Variants in SORCS2 observed in about 807,000 individuals in gnomAD.
SORCS2 encodes sortilin related VPS10 domain containing receptor 2.
A neutral mutation model predicts 141.6 loss-of-function variants in SORCS2; 100 were observed. That is an observed-to-expected ratio of 0.71 (90% CI 0.60 to 0.83). The LOEUF is 0.83. SORCS2 is among the 40% of genes least tolerant of loss of function. The pLI is 0.00. For missense variants in SORCS2, 1,646 were observed against 1,560.2 expected, an observed-to-expected ratio of 1.05 and a Z score of -0.93; for synonymous variants, 789 against 676.9, an observed-to-expected ratio of 1.17 and a Z score of -2.57.
At chr4:7,514,254 A>G (rs1026999665) in intron 2 of SORCS2, among the ~76,000 whole-genome samples, 1 of 152,098 alleles carries the variant, frequency 6.6e-6, no homozygotes, top group Admixed American at 6.5e-5. Context: ...AGGAAGGAAG[A>G]CTTGACTAGG....
chr4:7,679,749 CTTTTT>C lies in SORCS2; in HGVS notation c.1342-2978_1342-2974del, dbSNP rs55936772. ...GTCTGAAGCCACACAACTTGTGGGA[CTTTTT>C]TTTTTTTTTTTTTTTACAGCAGATG... On this transcript the variant is annotated intron_variant, in intron 9 of 26. Transcript: ENST00000507866. Among the ~76,000 whole-genome samples the C allele has an allele frequency of 7.1e-3, 1,003 of 141,228 alleles. 3 individuals carry two copies. The highest frequency in any genetic ancestry group is 0.023 in the Middle Eastern group (6 of 264). 92.7% of individuals were successfully genotyped at this position (141,228 alleles called of 152,430 possible).
chr4:7,475,415 T>A (rs1412126595), intron 2 of SORCS2, among the ~76,000 whole-genome samples: 3 of 152,240 alleles, frequency 2.0e-5, no homozygotes, highest in Non-Finnish European at 2.9e-5. Flanking sequence ...CTGAGGTCCA[T>A]CCTGCATGTG....
chr4:7,456,630 A>G (rs978793566), intron 2 of SORCS2, among the ~76,000 whole-genome samples: 2 of 152,136 alleles, frequency 1.3e-5, no homozygotes, highest in Non-Finnish European at 2.9e-5. Context: ...CCCACCTGGG[A>G]GAGAGGGTAA....
At chr4:7,506,223 C>T (rs1340725843) in intron 2 of SORCS2, among the ~76,000 whole-genome samples, 2 of 146,416 alleles carry the variant, frequency 1.4e-5, no homozygotes, top group Non-Finnish European at 3.0e-5. Flanking sequence ...TTAGTCTGAG[C>T]GGGCCTCCTC....
intron 3 of SORCS2, among the ~76,000 whole-genome samples, chr4:7,549,509 C>A (rs1713522557): frequency 6.6e-6 from 1 of 152,260 alleles, no homozygotes; most frequent in Admixed American, 6.5e-5. Flanking sequence ...ATCCACCAGT[C>A]ACTGGTCGCC....
chr4:7,396,583 C>T (rs183237272), intron 2 of SORCS2, among the ~76,000 whole-genome samples: 116 of 152,314 alleles, frequency 7.6e-4, no homozygotes, highest in Middle Eastern at 3.4e-3. Flanking sequence ...GTTCAGAAAG[C>T]GTCTTGGCTT....
chr4:7,459,264 G>A (rs1464540857), intron 2 of SORCS2, among the ~76,000 whole-genome samples: 5 of 152,096 alleles, frequency 3.3e-5, no homozygotes, highest in Non-Finnish European at 7.4e-5. Flanking sequence ...AGAAGAGGGA[G>A]GATCCTTTGC....
chr4:7,284,533 C>G (rs1438668877), intron 1 of SORCS2, among the ~76,000 whole-genome samples: 1 of 152,204 alleles, frequency 6.6e-6, no homozygotes, highest in Non-Finnish European at 1.5e-5. Flanking sequence ...TATGACCTGG[C>G]AGCTCCATGA....
chr4:7,295,689 A>G (rs1407920404), intron 1 of SORCS2, among the ~76,000 whole-genome samples: 1 of 152,122 alleles, frequency 6.6e-6, no homozygotes, highest in Non-Finnish European at 1.5e-5. Flanking sequence ...ACGGGACGGC[A>G]CTCTCAGCCT....
At chr4:7,327,110 A>G (rs1439559625) in intron 1 of SORCS2, among the ~76,000 whole-genome samples, 1 of 152,206 alleles carries the variant, frequency 6.6e-6, no homozygotes, top group Admixed American at 6.5e-5. Context: ...CTGCAGAGTT[A>G]GGTGCTGGAT....
chr4:7,349,612 C>A (rs149834345), intron 1 of SORCS2, among the ~76,000 whole-genome samples: 3 of 152,154 alleles, frequency 2.0e-5, no homozygotes, highest in African/African-American at 7.2e-5. Context: ...GCATGTCCTT[C>A]GCCACCCAGT....
intron 1 of SORCS2, among the ~76,000 whole-genome samples, chr4:7,239,164 C>A (rs899915247): frequency 6.6e-6 from 1 of 152,268 alleles, no homozygotes; most frequent in Non-Finnish European, 1.5e-5. Context: ...GCTCCTGCCA[C>A]TCTCTGCAGA....
intron 1 of SORCS2, among the ~76,000 whole-genome samples, chr4:7,364,324 G>A (rs1038611762): frequency 6.6e-5 from 10 of 152,200 alleles, no homozygotes; most frequent in African/African-American, 2.4e-4. Flanking sequence ...AGTTGTCTTT[G>A]GACAGGGAAA....
At chr4:7,608,344 T>C (rs769056953) in intron 3 of SORCS2, among the ~76,000 whole-genome samples, 4 of 152,212 alleles carry the variant, frequency 2.6e-5, no homozygotes, top group Non-Finnish European at 5.9e-5. Context: ...AGTTTCATCA[T>C]CGTCAGGGCC....
chr4:7,340,919 A>G (rs1443703036), intron 1 of SORCS2, among the ~76,000 whole-genome samples: 1 of 152,130 alleles, frequency 6.6e-6, no homozygotes, highest in African/African-American at 2.4e-5. Flanking sequence ...CTCCTCCCTC[A>G]TCCCTGAGCC....
chr4:7,650,264 ATGT>A (rs1237265242), intron 4 of SORCS2, among the ~76,000 whole-genome samples: 2 of 152,148 alleles, frequency 1.3e-5, no homozygotes, highest in Non-Finnish European at 2.9e-5. Flanking sequence ...CTTCCTGGCG[ATGT>A]TGTGGGGGCA....
intron 1 of SORCS2, among the ~76,000 whole-genome samples, chr4:7,250,851 C>T (rs903298983): frequency 2.8e-4 from 43 of 152,374 alleles, no homozygotes; most frequent in African/African-American, 1.0e-3. Flanking sequence ...TCGCTGAAGG[C>T]GAGAAGAACG....
intron 1 of SORCS2, among the ~76,000 whole-genome samples, chr4:7,246,854 C>T (rs978957103): frequency 9.2e-5 from 14 of 152,248 alleles, no homozygotes; most frequent in Non-Finnish European, 1.8e-4. Context: ...TCGGCTGTGC[C>T]TTCCACCAGC....
In SORCS2 at chr4:7,621,350, CTA is replaced by C. The variant is rs200049724; in HGVS notation, c.649-16976_649-16975del. Among the ~76,000 whole-genome samples the C allele has an allele frequency of 4.4e-3, 664 of 151,704 alleles. 8 individuals are homozygous for C. The highest frequency in any genetic ancestry group is 0.015 in the African/African-American group (631 of 41,308). ...TATGTGTGAGTGTTTATGTGTGTGTCTATGTGTGAGTGTTATGTTTGTGTGTC... is the reference window on the plus strand; with the variant it reads ...TATGTGTGAGTGTTTATGTGTGTGTCTGTGTGAGTGTTATGTTTGTGTGTC... On this transcript the variant is annotated intron_variant, in intron 3 of 26. Coordinates refer to ENST00000507866, the MANE Select transcript of SORCS2 (RefSeq NM_020777.3).
Sources: allele counts gnomAD v4.1 joint callset (sites outside exome capture counted in the v4.1 genomes callset), GRCh38; gene constraint gnomAD v4.1.1; transcripts MANE v1.5; gene names NCBI Gene and HGNC (gene_info 2026-07-23, HGNC 2026-07-21).